Variants in SDCCAG8 observed in about 807,000 individuals in gnomAD.
SDCCAG8 encodes serologically defined colon cancer antigen 8.
In SDCCAG8, 74 loss-of-function variants were observed where a neutral mutation model predicts 101.8. That is an observed-to-expected ratio of 0.73 (90% CI 0.60 to 0.88). The LOEUF is 0.88. Among genes scored for constraint, SDCCAG8 ranks in the 40% least tolerant of loss-of-function variants. SDCCAG8 has a pLI of 0.00. For synonymous variants in SDCCAG8, 281 were observed against 292.9 expected, an observed-to-expected ratio of 0.96 and a Z score of 0.41; for missense variants, 787 against 822.6, an observed-to-expected ratio of 0.96 and a Z score of 0.53.
intron 12 of SDCCAG8, among the ~76,000 whole-genome samples, chr1:243,378,252 C>T (rs536107600): frequency 8.6e-5 from 13 of 150,930 alleles, no homozygotes; most frequent in South Asian, 6.3e-4. Context: ...TCACATTTTT[C>T]GAAAATCTCT....
At chr1:243,330,425 T>A in intron 9 of SDCCAG8, 115 bp from the exon 10 acceptor site, 1 of 971,806 alleles carries the variant, frequency 1.0e-6, no homozygotes. Flanking sequence ...ATTATTCTAA[T>A]GGGCTTTATA....
At chr1:243,440,467 T>A (rs2082458461) in intron 16 of SDCCAG8, among the ~76,000 whole-genome samples, 1 of 152,224 alleles carries the variant, frequency 6.6e-6, no homozygotes, top group African/African-American at 2.4e-5. Flanking sequence ...CCTTTTCACC[T>A]GACTTGGGAA....
At chr1:243,481,235 G>A (rs972644738) in intron 16 of SDCCAG8, among the ~76,000 whole-genome samples, 1 of 152,130 alleles carries the variant, frequency 6.6e-6, no homozygotes, top group Non-Finnish European at 1.5e-5. Flanking sequence ...TTGAAGGTCT[G>A]ATGGAGGAGG....
intron 9 of SDCCAG8, among the ~76,000 whole-genome samples, chr1:243,327,543 A>G (rs2074274740): frequency 6.6e-6 from 1 of 151,200 alleles, no homozygotes; most frequent in African/African-American, 2.4e-5. Flanking sequence ...TTTTGTAGAA[A>G]TTAAAATTAT....
chr1:243,464,845 G>A (rs901451599), intron 16 of SDCCAG8, among the ~76,000 whole-genome samples: 4 of 152,202 alleles, frequency 2.6e-5, no homozygotes, highest in Admixed American at 2.0e-4. Flanking sequence ...CCCATCGTGA[G>A]GATACCTAGA....
At chr1:243,318,714 T>C (rs2073483851) in intron 9 of SDCCAG8, among the ~76,000 whole-genome samples, 1 of 152,182 alleles carries the variant, frequency 6.6e-6, no homozygotes, top group Non-Finnish European at 1.5e-5. Flanking sequence ...GAGCTCTAGC[T>C]GTCCCTCAAT....
At chr1:243,448,938 A>G (rs1458652980) in intron 16 of SDCCAG8, among the ~76,000 whole-genome samples, 1 of 152,250 alleles carries the variant, frequency 6.6e-6, no homozygotes, top group Non-Finnish European at 1.5e-5. Context: ...ACAAAAGCAG[A>G]ACTTGATGTG....
At chr1:243,368,783 A>G (rs533429864) in intron 12 of SDCCAG8, among the ~76,000 whole-genome samples, 25 of 152,264 alleles carry the variant, frequency 1.6e-4, no homozygotes, top group African/African-American at 6.0e-4. Flanking sequence ...GACCCTTGAT[A>G]TTTGTAGGGA....
At chr1:243,290,818 C>A (rs552962208) in intron 5 of SDCCAG8, among the ~76,000 whole-genome samples, 5 of 152,298 alleles carry the variant, frequency 3.3e-5, no homozygotes, top group Non-Finnish European at 7.4e-5. Context: ...CCCTTAGTAT[C>A]CCTCCTGTGT....
chr1:243,434,892 A>G (rs932963154), intron 16 of SDCCAG8, among the ~76,000 whole-genome samples: 2 of 152,222 alleles, frequency 1.3e-5, no homozygotes, highest in Admixed American at 6.5e-5. Flanking sequence ...GGCAGCTGCT[A>G]TAACTGATTA....
intron 12 of SDCCAG8, among the ~76,000 whole-genome samples, chr1:243,360,590 G>T (rs1268982953): frequency 6.6e-6 from 1 of 152,022 alleles, no homozygotes; most frequent in East Asian, 1.9e-4. Context: ...TTGGGAGGCC[G>T]AGGCAGGTGA....
intron 16 of SDCCAG8, among the ~76,000 whole-genome samples, chr1:243,480,195 G>A (rs898676213): frequency 2.0e-5 from 3 of 150,594 alleles, no homozygotes; most frequent in Non-Finnish European, 4.4e-5. Context: ...CCAGGGGGCC[G>A]TGTGGAAGCA....
chr1:243,327,041 A>G (rs1401201417), intron 9 of SDCCAG8, among the ~76,000 whole-genome samples: 2 of 152,140 alleles, frequency 1.3e-5, no homozygotes. Context: ...AGGTACCTTC[A>G]GGAATGAGTC....
intron 9 of SDCCAG8, chr1:243,318,400 G>T (rs891870649): frequency 2.2e-5 from 4 of 179,230 alleles, no homozygotes; most frequent in African/African-American, 9.5e-5. Context: ...GATCACTATT[G>T]GGTACTGGGC....
chr1:243,436,517 T>C (rs957458175), intron 16 of SDCCAG8, among the ~76,000 whole-genome samples: 1 of 152,242 alleles, frequency 6.6e-6, no homozygotes, highest in Non-Finnish European at 1.5e-5. Context: ...TCTACTACTT[T>C]TGCTGTTTGT....
chr1:243,406,976 A>G (rs2147990091), intron 13 of SDCCAG8, among the ~76,000 whole-genome samples: 1 of 151,866 alleles, frequency 6.6e-6, no homozygotes, highest in Admixed American at 6.6e-5. Context: ...CCCAATTCCT[A>G]TCCTTTCCAC....
intron 6 of SDCCAG8, among the ~76,000 whole-genome samples, chr1:243,301,475 A>C (rs904533219): frequency 2.6e-5 from 4 of 152,310 alleles, no homozygotes; most frequent in Admixed American, 2.0e-4. Flanking sequence ...CAAATTCATG[A>C]CATTACAGGA....
At chr1:243,365,553 T>C (rs1466706848) in intron 12 of SDCCAG8, among the ~76,000 whole-genome samples, 1 of 152,152 alleles carries the variant, frequency 6.6e-6, no homozygotes, top group Non-Finnish European at 1.5e-5. Context: ...ATAAGAGTTT[T>C]AATTTGTGAT....
intron 12 of SDCCAG8, 34 bp downstream of exon 12, chr1:243,344,365 TA>T: frequency 3.1e-6 from 4 of 1,307,254 alleles, no homozygotes; most frequent in East Asian, 2.3e-5. Flanking sequence ...GCAGCAATTA[TA>T]GATATGAGTA....
Sources: gnomAD v4.1 joint callset for allele counts (sites outside exome capture counted in the v4.1 genomes callset) on GRCh38, gnomAD v4.1.1 for gene constraint, MANE v1.5 for transcripts, NCBI Gene and HGNC (gene_info 2026-07-23, HGNC 2026-07-21) for gene names.